The following COL4A2 variants were observed in gnomAD, a reference collection of about 807,000 sequenced individuals.
COL4A2 encodes collagen type IV alpha 2 chain.
In COL4A2, 99 loss-of-function variants were observed where a neutral mutation model predicts 200.2. The observed-to-expected ratio is 0.49, with a 90% CI of 0.42 to 0.58. The LOEUF (loss-of-function observed/expected upper bound fraction) is 0.58, where lower values mean the gene tolerates loss of function less well. Among genes scored for constraint, COL4A2 ranks in the 20% least tolerant of loss-of-function variants. The pLI, the probability that COL4A2 is intolerant of heterozygous loss-of-function variation, is 0.00. For synonymous variants in COL4A2, 897 were observed against 900.6 expected, an observed-to-expected ratio of 1.00 and a Z score of 0.07; for missense variants, 1,950 against 2,314.1, an observed-to-expected ratio of 0.84 and a Z score of 3.23.
intron 14 of COL4A2, 143 bp from the exon 15 acceptor site, chr13:110,438,475 G>A (rs897474908): frequency 1.7e-5 from 19 of 1,116,710 alleles, no homozygotes; most frequent in African/African-American, 1.1e-4. Context: ...CCTGCACTGC[G>A]CCTGAGTTGA....
At position 110,506,405 on chromosome 13, in the gene COL4A2, C is replaced by T. The variant is rs974483781; in HGVS notation, c.4403-10C>T. ...CAGGCCGTCCACTCTCTCTCTTTCT[C>T]GGGCTGCAGGTGCACCAGGCCGTCC... On this transcript the variant is annotated splice_polypyrimidine_tract_variant and intron_variant, in intron 45 of 47. Transcript: ENST00000360467. The T allele has an allele frequency of 6.9e-5, 110 of 1,604,486 alleles. No individual in the cohort carries two copies. Among genetic ancestry groups the T allele is most frequent in the Middle Eastern group, 1.7e-4 (1 of 5,768 alleles).
At chr13:110,384,525 C>T (rs1878608397) in intron 4 of COL4A2, among the ~76,000 whole-genome samples, 1 of 152,198 alleles carries the variant, frequency 6.6e-6, no homozygotes, top group African/African-American at 2.4e-5. Flanking sequence ...GCTCCTCCAA[C>T]AAGGCCACCG....
rs9559824 is a variant in COL4A2 at position 110,492,462 on chromosome 13, C to T, written c.3562+285C>T. Among the ~76,000 whole-genome samples the T allele has an allele frequency of 0.065, 9,972 of 152,270 alleles. 470 individuals carry two copies. The highest frequency in any genetic ancestry group is 0.19 in the South Asian group (924 of 4,828). On this transcript the variant is annotated intron_variant, in intron 38 of 47. Transcript: ENST00000360467. Reference sequence around the variant, plus strand: ...AGAGGCTTCAGGGTCCACTTGTCATCGCCACACAGGGACGCACAGCAAGAT... The same window carrying T: ...AGAGGCTTCAGGGTCCACTTGTCATTGCCACACAGGGACGCACAGCAAGAT...
intron 4 of COL4A2, among the ~76,000 whole-genome samples, chr13:110,398,096 T>C (rs577578766): frequency 6.2e-5 from 2 of 32,084 alleles, no homozygotes; most frequent in Non-Finnish European, 1.6e-4. Context: ...AAAAATCAGA[T>C]TTTTTCTTTT....
At chr13:110,456,147 A>T (rs1881725769) in intron 20 of COL4A2, among the ~76,000 whole-genome samples, 1 of 152,188 alleles carries the variant, frequency 6.6e-6, no homozygotes, top group Non-Finnish European at 1.5e-5. Context: ...ATCATCAGGG[A>T]TGCCCCCGCC....
chr13:110,363,638 G>T (rs1340827925), intron 4 of COL4A2, among the ~76,000 whole-genome samples: 1 of 152,134 alleles, frequency 6.6e-6, no homozygotes, highest in Non-Finnish European at 1.5e-5. Context: ...AGGAGAGGGT[G>T]CCCCACGCAG....
intron 3 of COL4A2, among the ~76,000 whole-genome samples, chr13:110,344,949 G>A (rs1183431986): frequency 2.6e-5 from 4 of 152,154 alleles, no homozygotes; most frequent in African/African-American, 2.4e-5. Context: ...AAGTTGCATC[G>A]GTATTGAGTG....
intron 3 of COL4A2, among the ~76,000 whole-genome samples, chr13:110,349,391 G>A (rs1469813934): frequency 1.3e-5 from 2 of 152,146 alleles, no homozygotes; most frequent in African/African-American, 4.8e-5. Context: ...TCCTAGTGAA[G>A]GCAACACGAT....
At chr13:110,323,756 C>T (rs986692701) in intron 3 of COL4A2, among the ~76,000 whole-genome samples, 3 of 152,256 alleles carry the variant, frequency 2.0e-5, no homozygotes, top group Non-Finnish European at 2.9e-5. Context: ...CAGCGCCCAG[C>T]TGGGCATCTG....
Position 110,459,150 on chromosome 13 carries a change from G to A in COL4A2, c.1596+216G>A, listed in dbSNP as rs7995236. 0.24 allele frequency: 106,236 copies of A among 447,444 alleles called. 14,058 individuals are homozygous for A. Among genetic ancestry groups the A allele is most frequent in the Non-Finnish European group, 0.29 (74,226 of 257,528 alleles). The allele number at this position is 447,444 out of a possible 1,614,324, so 27.7% of individuals were successfully genotyped here. A position where few individuals can be genotyped will look rare whatever the true frequency, so the allele number is the denominator to read the frequency against. On this transcript the variant is annotated intron_variant, in intron 22 of 47. Coordinates refer to ENST00000360467, the MANE Select transcript of COL4A2 (RefSeq NM_001846.4). ...GAGAAGGGGCGCTGCTGTGGGAACC[G>A]CAGCCGACAGCTCTTGAAAGAGTTC...
intron 27 of COL4A2, among the ~76,000 whole-genome samples, chr13:110,468,913 CAGAT>C (rs953288223): frequency 6.8e-4 from 104 of 152,322 alleles, no homozygotes; most frequent in African/African-American, 2.0e-3. Flanking sequence ...CACGGTCACA[CAGAT>C]AGAATGGTAG....
At chr13:110,378,334 A>G (rs1233003293) in intron 4 of COL4A2, among the ~76,000 whole-genome samples, 2 of 152,248 alleles carry the variant, frequency 1.3e-5, no homozygotes, top group African/African-American at 4.8e-5. Flanking sequence ...TTGTCCAAAA[A>G]AATAGATATG....
chr13:110,387,785 C>T (rs530000945), intron 4 of COL4A2, among the ~76,000 whole-genome samples: 1 of 152,326 alleles, frequency 6.6e-6, no homozygotes, highest in South Asian at 2.1e-4. Context: ...GCTTCCTTCT[C>T]CCCAGGCCCC....
chr13:110,460,851 G>T (rs1458884812), intron 22 of COL4A2, among the ~76,000 whole-genome samples: 5 of 152,184 alleles, frequency 3.3e-5, no homozygotes, highest in Non-Finnish European at 5.9e-5. Context: ...GATCGATTGG[G>T]TCTGGTCTGT....
chr13:110,491,416 G>A, intron 37 of COL4A2, 76 bp downstream of exon 37: 2 of 968,378 alleles, frequency 2.1e-6, no homozygotes, highest in Non-Finnish European at 3.2e-6. Flanking sequence ...GGTCAACATT[G>A]TCAATTTCCT....
At chr13:110,343,441 G>A (rs1876552184) in intron 3 of COL4A2, among the ~76,000 whole-genome samples, 1 of 152,180 alleles carries the variant, frequency 6.6e-6, no homozygotes, top group Admixed American at 6.5e-5. Context: ...GATGTGGGAA[G>A]GCATAGGTAC....
chr13:110,512,567 A>C lies in COL4A2; in HGVS notation c.*376A>C. ...GGTGGGACAGACGAGACAACAGCAC[A>C]CAGGCAGCCAGCCGTGGCCAGAGGC... On this transcript the variant is annotated 3_prime_UTR_variant, in exon 48 of 48. Coordinates refer to ENST00000360467, the MANE Select transcript of COL4A2 (RefSeq NM_001846.4). 4.7e-6 allele frequency: 1 copy of C among 211,434 alleles called. No individual in the cohort carries two copies. The highest frequency in any genetic ancestry group is 9.4e-6 in the Non-Finnish European group (1 of 106,518). 13.1% of individuals were successfully genotyped at this position (211,434 alleles called of 1,614,324 possible).
chr13:110,480,445 A>C (rs1284707937), intron 31 of COL4A2, 55 bp downstream of exon 31: 7 of 1,532,262 alleles, frequency 4.6e-6, no homozygotes, highest in Non-Finnish European at 5.3e-6. Flanking sequence ...GGTCTAATCA[A>C]CTCTGACCTG....
In COL4A2 at chr13:110,375,261, A is replaced by G. The variant is rs139018120; in HGVS notation, c.180+17709A>G. Among the ~76,000 whole-genome samples, 48 of 152,330 alleles carry G rather than the reference A, an allele frequency of 3.2e-4. No homozygotes were observed. In the South Asian group the frequency reaches 7.5e-3, roughly 24 times the overall value. ...TTTGCCGTCGAATTCTGCCTCTGAA[A>G]ATGGAATCATAGTTACTGCCTCCAG... On this transcript the variant is annotated intron_variant, in intron 4 of 47. Transcript: ENST00000360467.
Sources: gnomAD v4.1 joint callset for allele counts (sites outside exome capture counted in the v4.1 genomes callset) on GRCh38, gnomAD v4.1.1 for gene constraint, MANE v1.5 for transcripts, NCBI Gene and HGNC (gene_info 2026-07-23, HGNC 2026-07-21) for gene names.